The following PDGFRA variants were observed in gnomAD, a reference collection of about 807,000 sequenced individuals.
The protein encoded by PDGFRA is platelet-derived growth factor receptor alpha.
A neutral mutation model predicts 121.5 loss-of-function variants in PDGFRA; 25 were observed. The ratio of observed to expected loss-of-function variants is 0.21; its 90% CI spans 0.15 to 0.29. The LOEUF (loss-of-function observed/expected upper bound fraction) is 0.29, where lower values mean the gene tolerates loss of function less well. Ranked by LOEUF, PDGFRA falls within the 10% of genes least tolerant of loss-of-function variation. PDGFRA has a pLI of 1.00. For synonymous variants in PDGFRA, 463 were observed against 494.8 expected, an observed-to-expected ratio of 0.94 and a Z score of 0.85; for missense variants, 1,008 against 1,345.1, an observed-to-expected ratio of 0.75 and a Z score of 3.92.
intron 1 of PDGFRA, among the ~76,000 whole-genome samples, chr4:54,252,182 T>C (rs943705739): frequency 6.6e-6 from 1 of 152,200 alleles, no homozygotes; most frequent in African/African-American, 2.4e-5. Context: ...GGATTAGTAT[T>C]CTAATTCTAG....
At chr4:54,263,524 C>T in intron 3 of PDGFRA, 143 bp from the exon 4 acceptor site, 1 of 803,590 alleles carries the variant, frequency 1.2e-6, no homozygotes, top group East Asian at 2.5e-5. Context: ...TAACTAATGC[C>T]AGTGGGGCAA....
chr4:54,286,014 C>G (rs1242272513), intron 18 of PDGFRA, 51 bp downstream of exon 18: 2 of 1,582,276 alleles, frequency 1.3e-6, no homozygotes, highest in Non-Finnish European at 1.7e-6. Context: ...TCACTTTAAT[C>G]TCTAAAGTCA....
At position 54,273,543 on chromosome 4, in the gene PDGFRA, T is replaced by C. The variant is rs1577724059; in HGVS notation, c.1371T>C (p.Asn457=). The C allele has an allele frequency of 1.2e-6, 2 of 1,613,810 alleles. No homozygotes were observed. The highest frequency in any genetic ancestry group is 1.7e-6 in the Non-Finnish European group (2 of 1,179,834). Residue 457 remains asparagine, a synonymous_variant, in exon 10 of 23, where the codon AAT becomes AAC. Transcript: ENST00000257290. The part of the protein sequence containing the change: ...WMICKDIKKC[N]NETSWTILAN... ...AGGCCCTTTTTCTCTCTAGATGTAA[T>C]AATGAAACTTCCTGGACTATTTTGG...
At chr4:54,261,903 ATATATAT>A (rs1722742924) in intron 3 of PDGFRA, among the ~76,000 whole-genome samples, 2 of 29,928 alleles carry the variant, frequency 6.7e-5, no homozygotes, top group African/African-American at 2.1e-4. Flanking sequence ...AGTTACATAT[ATATATAT>A]ATATATATAT....
At chr4:54,281,770 C>G in intron 16 of PDGFRA, 6 of 1,334,558 alleles carry the variant, frequency 4.5e-6, no homozygotes, top group Non-Finnish European at 5.9e-6. Context: ...ATTAAATTGC[C>G]TTCTTCCTCG....
rs1723995395 is a variant in PDGFRA, at chr4:54,280,253, TGAAAGTG to T, written c.2157-59_2157-53del. 3 of 574,716 alleles carry T rather than the reference TGAAAGTG, an allele frequency of 5.2e-6. No individual in the cohort carries two copies. The Admixed American group carries it at 1.0e-4, about 20-fold the overall frequency. The allele number at this position is 574,716 out of a possible 1,614,324, so 35.6% of individuals were successfully genotyped here. A position where few individuals can be genotyped will look rare whatever the true frequency, so the allele number is the denominator to read the frequency against. On this transcript the variant is annotated intron_variant, in intron 15 of 22. Coordinates refer to ENST00000257290, the MANE Select transcript of PDGFRA (RefSeq NM_006206.6). ...TACCTGGCACATAATCATCATCTAC[TGAAAGTG>T]GAATGACCACTTCAGAAGGGCACCC... is the stretch of plus-strand genomic sequence containing the variant.
In PDGFRA at chr4:54,297,155, A is replaced by G. The variant is rs1436311106; in HGVS notation, c.*1883A>G. On this transcript the variant is annotated 3_prime_UTR_variant, in exon 23 of 23. Coordinates refer to ENST00000257290, the MANE Select transcript of PDGFRA (RefSeq NM_006206.6). ...GATGGGAGGATGAATTGTCACATCT[A>G]TCCACACTGTCAAACAGGTTGGTGT... 5 of 233,446 alleles carry G rather than the reference A, an allele frequency of 2.1e-5. No homozygotes were observed. Among genetic ancestry groups the G allele is most frequent in the Admixed American group, 5.6e-5 (1 of 17,782 alleles). The allele number at this position is 233,446 out of a possible 1,614,324, so 14.5% of individuals were successfully genotyped here.
At chr4:54,269,616 T>C (rs1723221564) in intron 7 of PDGFRA, among the ~76,000 whole-genome samples, 1 of 151,848 alleles carries the variant, frequency 6.6e-6, no homozygotes, top group Admixed American at 6.6e-5. Context: ...ATATATTTTT[T>C]TTTTTTGAAG....
intron 18 of PDGFRA, among the ~76,000 whole-genome samples, chr4:54,286,771 C>G (rs1724385965): frequency 6.6e-6 from 1 of 152,186 alleles, no homozygotes; most frequent in Non-Finnish European, 1.5e-5. Context: ...TCTGTGACCC[C>G]TAAAATAGAT....
chr4:54,286,691 C>T (rs555801580), intron 18 of PDGFRA, among the ~76,000 whole-genome samples: 1 of 152,146 alleles, frequency 6.6e-6, no homozygotes, highest in Non-Finnish European at 1.5e-5. Context: ...TGCGTGTATG[C>T]ATGGACAAGC....
intron 1 of PDGFRA, among the ~76,000 whole-genome samples, chr4:54,251,660 G>A (rs1722060705): frequency 6.6e-6 from 1 of 152,118 alleles, no homozygotes; most frequent in African/African-American, 2.4e-5. Context: ...GTCTCTGTAT[G>A]GGGTTCCTGA....
intron 1 of PDGFRA, among the ~76,000 whole-genome samples, chr4:54,238,289 TA>T (rs1245805429): frequency 2.0e-5 from 3 of 152,318 alleles, no homozygotes; most frequent in Non-Finnish European, 2.9e-5. Flanking sequence ...AAACTTTGAT[TA>T]GGCTATTATC....
At chr4:54,272,246 C>A in intron 8 of PDGFRA, 148 bp from the exon 9 acceptor site, 1 of 776,054 alleles carries the variant, frequency 1.3e-6, no homozygotes, top group Non-Finnish European at 2.2e-6. Context: ...TCTGTCTAAA[C>A]TGGAGTGTTA....
At chr4:54,264,542 A>G in intron 4 of PDGFRA, 1 of 288,896 alleles carries the variant, frequency 3.5e-6, no homozygotes, top group South Asian at 3.5e-5. Flanking sequence ...GAGAAGAAAC[A>G]ATTGGATAGA....
chr4:54,278,897 C>T, intron 15 of PDGFRA: 1 of 467,620 alleles, frequency 2.1e-6, no homozygotes, highest in Non-Finnish European at 4.3e-6. Flanking sequence ...CTTGCTGAAC[C>T]TGGACCTATA....
rs1724926059 is a variant in PDGFRA at position 54,297,355 on chromosome 4, T to C, written c.*2083T>C. ...GTAATCTCAATGCAAGCCCCAACTT[T>C]CTTATCCAACTTTTTCATAGTAAGT... On this transcript the variant is annotated 3_prime_UTR_variant, in exon 23 of 23. Coordinates refer to ENST00000257290, the MANE Select transcript of PDGFRA (RefSeq NM_006206.6). 4.3e-6 allele frequency: 1 copy of C among 233,626 alleles called. No homozygotes were observed. Among genetic ancestry groups the C allele is most frequent in the Non-Finnish European group, 8.5e-6 (1 of 118,078 alleles). The allele number at this position is 233,626 out of a possible 1,614,324, so 14.5% of individuals were successfully genotyped here.
intron 10 of PDGFRA, 152 bp downstream of exon 10, chr4:54,273,882 T>C: frequency 1.4e-6 from 1 of 711,866 alleles, no homozygotes; most frequent in Non-Finnish European, 2.4e-6. Flanking sequence ...GACTTTGTTT[T>C]ATTTTGTTTT....
chr4:54,288,763 T>G (rs2110344093), intron 19 of PDGFRA, 36 bp from the exon 20 acceptor site: 3 of 1,153,928 alleles, frequency 2.6e-6, no homozygotes, highest in Non-Finnish European at 4.0e-6. Context: ...GCACTGAGCG[T>G]TTGTTAGTCC....
At chr4:54,250,836 A>T (rs1199145586) in intron 1 of PDGFRA, among the ~76,000 whole-genome samples, 4 of 152,136 alleles carry the variant, frequency 2.6e-5, no homozygotes, top group Non-Finnish European at 5.9e-5. Context: ...AGGCTGAGGC[A>T]GGCAGATCAC....
Sources: allele counts gnomAD v4.1 joint callset (sites outside exome capture counted in the v4.1 genomes callset), GRCh38; gene constraint gnomAD v4.1.1; transcripts MANE v1.5; gene names NCBI Gene and HGNC (gene_info 2026-07-23, HGNC 2026-07-21).